Variants in DAB1 observed in about 807,000 individuals in gnomAD.
DAB1 encodes the protein DAB adaptor protein 1.
Under a neutral mutation model 64.6 loss-of-function variants are expected in DAB1, and 15 were observed. The observed-to-expected ratio is 0.23, with a 90% confidence interval of 0.16 to 0.36. DAB1 has a LOEUF of 0.36. DAB1 is among the 10% of genes least tolerant of loss of function. The pLI, the probability that DAB1 is intolerant of heterozygous loss-of-function variation, is 1.00. For synonymous variants in DAB1, 235 were observed against 251.9 expected (o/e 0.93, Z 0.64); for missense variants, 596 against 706.7 (o/e 0.84, Z 1.78).
At chr1:58,003,011 G>A (rs1362665807) in intron 5 of DAB1, among the ~76,000 whole-genome samples, 1 of 152,062 alleles carries the variant, frequency 6.6e-6, no homozygotes, top group Non-Finnish European at 1.5e-5. Context: ...TAATGTTATT[G>A]TTATGAATAT....
chr1:57,642,548 A>G (rs909975538), intron 7 of DAB1, among the ~76,000 whole-genome samples: 3 of 152,006 alleles, frequency 2.0e-5, no homozygotes, highest in East Asian at 1.9e-4. Flanking sequence ...TCAAGCCCCA[A>G]TCTTCTCTTA....
At chr1:57,096,174 G>C (rs751676610) in intron 4 of DAB1, among the ~76,000 whole-genome samples, 1 of 152,168 alleles carries the variant, frequency 6.6e-6, no homozygotes, top group Non-Finnish European at 1.5e-5. Context: ...AGATCAGCCA[G>C]CTGGAAAAGT....
chr1:57,635,811 C>T (rs1488510639), intron 7 of DAB1, among the ~76,000 whole-genome samples: 1 of 152,112 alleles, frequency 6.6e-6, no homozygotes, highest in Non-Finnish European at 1.5e-5. Flanking sequence ...AACTGGTGTC[C>T]TTGGCCAGGT....
At chr1:57,255,640 CAGAG>C (rs1669705780) in intron 2 of DAB1, among the ~76,000 whole-genome samples, 1 of 152,140 alleles carries the variant, frequency 6.6e-6, no homozygotes, top group African/African-American at 2.4e-5. Flanking sequence ...GCCTGGGCAA[CAGAG>C]AGAGACCCAG....
At chr1:57,106,703 A>G (rs990638632) in intron 4 of DAB1, among the ~76,000 whole-genome samples, 5 of 152,212 alleles carry the variant, frequency 3.3e-5, no homozygotes, top group African/African-American at 1.2e-4. Flanking sequence ...CTATTTAAAG[A>G]CACAACATTG....
intron 7 of DAB1, among the ~76,000 whole-genome samples, chr1:57,449,776 G>C (rs544492449): frequency 2.0e-5 from 3 of 152,252 alleles, no homozygotes; most frequent in Non-Finnish European, 4.4e-5. Flanking sequence ...CCTACCAAAG[G>C]CTGGAAAACT....
chr1:57,937,313 A>G (rs947874793), intron 5 of DAB1, among the ~76,000 whole-genome samples: 4 of 152,012 alleles, frequency 2.6e-5, no homozygotes, highest in Admixed American at 6.5e-5. Flanking sequence ...AATTGATCTG[A>G]TCAGTTATCC....
intron 1 of DAB1, among the ~76,000 whole-genome samples, chr1:57,333,702 G>T (rs973602502): frequency 1.3e-5 from 2 of 152,252 alleles, no homozygotes; most frequent in African/African-American, 4.8e-5. Flanking sequence ...GACAGTGTTA[G>T]TATCTACTGC....
At chr1:57,140,871 T>A (rs1417278846) in intron 3 of DAB1, among the ~76,000 whole-genome samples, 1 of 152,130 alleles carries the variant, frequency 6.6e-6, no homozygotes. Context: ...AGGTCAGGCA[T>A]GCCAAGCAAG....
chr1:57,551,630 T>C (rs1167918691), intron 7 of DAB1, among the ~76,000 whole-genome samples: 1 of 152,186 alleles, frequency 6.6e-6, no homozygotes, highest in Non-Finnish European at 1.5e-5. Flanking sequence ...ATCCCACTGC[T>C]GCCTGCGTCA....
intron 5 of DAB1, among the ~76,000 whole-genome samples, chr1:58,126,068 C>G (rs1653057299): frequency 6.6e-6 from 1 of 152,188 alleles, no homozygotes; most frequent in African/African-American, 2.4e-5. Flanking sequence ...CTCTAACATT[C>G]TGTCTCTATG....
At chr1:57,099,310 G>C (rs970657786) in intron 4 of DAB1, among the ~76,000 whole-genome samples, 11 of 152,194 alleles carry the variant, frequency 7.2e-5, no homozygotes, top group Non-Finnish European at 1.0e-4. Context: ...TTAAAGAAAG[G>C]CTGCATATGC....
chr1:57,594,836 G>T (rs929731749), intron 7 of DAB1, among the ~76,000 whole-genome samples: 1 of 151,796 alleles, frequency 6.6e-6, no homozygotes, highest in Non-Finnish European at 1.5e-5. Context: ...TCAGCCTCCC[G>T]AGTAGCTGGG....
At chr1:57,627,085 G>A (rs1033067396) in intron 7 of DAB1, among the ~76,000 whole-genome samples, 6 of 152,074 alleles carry the variant, frequency 3.9e-5, no homozygotes, top group Admixed American at 2.0e-4. Flanking sequence ...AGAGTCATCC[G>A]ATCTGTTGAG....
At chr1:58,046,182 T>G (rs909864912) in intron 5 of DAB1, among the ~76,000 whole-genome samples, 18 of 152,238 alleles carry the variant, frequency 1.2e-4, no homozygotes, top group Non-Finnish European at 2.2e-4. Flanking sequence ...TGGTTTCTTC[T>G]GTTAAGTAAG....
At chr1:58,049,423 T>A (rs747148111) in intron 5 of DAB1, 25 of 401,704 alleles carry the variant, frequency 6.2e-5, no homozygotes, top group Non-Finnish European at 1.1e-4. Context: ...ATGCTCAGAG[T>A]CATTCAGCAA....
chr1:58,488,677 C>A (rs895758614), intron 3 of DAB1, among the ~76,000 whole-genome samples: 2 of 152,166 alleles, frequency 1.3e-5, no homozygotes, highest in African/African-American at 4.8e-5. Flanking sequence ...GTCTTGAACT[C>A]CCGACCTCAG....
chr1:58,177,305 A>C (rs1656538702), intron 4 of DAB1, among the ~76,000 whole-genome samples: 1 of 152,202 alleles, frequency 6.6e-6, no homozygotes, highest in Non-Finnish European at 1.5e-5. Context: ...GTCCAGTGCC[A>C]GGCACAATAC....
intron 1 of DAB1, among the ~76,000 whole-genome samples, chr1:57,410,961 A>G (rs920339053): frequency 2.0e-5 from 3 of 152,188 alleles, no homozygotes; most frequent in Non-Finnish European, 4.4e-5. Context: ...TATCACCAGT[A>G]CTGATGTCAT....
Sources: allele counts gnomAD v4.1 joint callset (sites outside exome capture counted in the v4.1 genomes callset), GRCh38; gene constraint gnomAD v4.1.1; transcripts MANE v1.5; gene names NCBI Gene and HGNC (gene_info 2026-07-23, HGNC 2026-07-21).